KLHL1: variants seen among roughly 807,000 people sequenced by gnomAD.
The protein encoded by KLHL1 is kelch-like protein 1.
A neutral mutation model predicts 77.7 loss-of-function variants in KLHL1; 47 were observed. The ratio of observed to expected loss-of-function variants is 0.60; its 90% CI spans 0.48 to 0.77. The LOEUF is 0.77. Ranked by LOEUF, KLHL1 falls within the 30% of genes least tolerant of loss-of-function variation. The pLI is 0.00. For synonymous variants in KLHL1, 360 were observed against 325.2 expected, an observed-to-expected ratio of 1.11 and a Z score of -1.15; for missense variants, 925 against 910.8, an observed-to-expected ratio of 1.02 and a Z score of -0.20.
chr13:69,941,364 G>T (rs2138303179), intron 3 of KLHL1, among the ~76,000 whole-genome samples: 1 of 152,174 alleles, frequency 6.6e-6, no homozygotes, highest in Admixed American at 6.6e-5. Context: ...GGTCAACAAT[G>T]AAATCAAGGT....
At chr13:69,871,617 C>T (rs1880589575) in intron 5 of KLHL1, among the ~76,000 whole-genome samples, 1 of 152,070 alleles carries the variant, frequency 6.6e-6, no homozygotes, top group Non-Finnish European at 1.5e-5. Flanking sequence ...AGCTATATCA[C>T]TTCTTGAGCA....
chr13:70,007,653 T>C (rs1566493380), intron 1 of KLHL1, among the ~76,000 whole-genome samples: 1 of 152,046 alleles, frequency 6.6e-6, no homozygotes, highest in African/African-American at 2.4e-5. Context: ...AAGGTATCTA[T>C]TTAAGCTTTG....
intron 3 of KLHL1, among the ~76,000 whole-genome samples, chr13:69,946,998 G>A (rs2137248525): frequency 6.6e-6 from 1 of 150,946 alleles, no homozygotes; most frequent in Non-Finnish European, 1.5e-5. Flanking sequence ...TTAAAAACTT[G>A]AGCCTGCCAT....
At chr13:69,843,043 TGG>T (rs1263061450) in intron 5 of KLHL1, among the ~76,000 whole-genome samples, 3 of 151,148 alleles carry the variant, frequency 2.0e-5, no homozygotes, top group African/African-American at 7.3e-5. Context: ...AAAGGGTGAG[TGG>T]GAGATATGGA....
intron 7 of KLHL1, among the ~76,000 whole-genome samples, chr13:69,787,986 G>GCAAT (rs1479610052): frequency 8.5e-5 from 13 of 152,328 alleles, no homozygotes; most frequent in Non-Finnish European, 1.5e-4. Flanking sequence ...AGTTAGAATG[G>GCAAT]CAATCATTAA....
At chr13:69,756,467 T>A (rs1874745449) in intron 7 of KLHL1, among the ~76,000 whole-genome samples, 1 of 152,176 alleles carries the variant, frequency 6.6e-6, no homozygotes, top group African/African-American at 2.4e-5. Context: ...AGAAACTACT[T>A]TTTTGTTATG....
At chr13:69,715,140 G>A (rs1404054388) in intron 9 of KLHL1, among the ~76,000 whole-genome samples, 2 of 152,138 alleles carry the variant, frequency 1.3e-5, no homozygotes, top group Non-Finnish European at 2.9e-5. Flanking sequence ...GCTAACGATT[G>A]CTGCATCTAC....
intron 1 of KLHL1, among the ~76,000 whole-genome samples, chr13:70,024,522 G>A (rs976103775): frequency 6.6e-6 from 1 of 151,648 alleles, no homozygotes; most frequent in African/African-American, 2.4e-5. Flanking sequence ...TCTCCTCAAC[G>A]TAAGTTTTTT....
chr13:69,975,104 A>C (rs7331758), intron 2 of KLHL1, among the ~76,000 whole-genome samples: 92,535 of 151,294 alleles, frequency 0.61, 28,437 homozygotes, highest in South Asian at 0.65. Flanking sequence ...CTTTCAAATG[A>C]ATTATGGCTT....
chr13:70,047,789 T>A (rs980025849), intron 1 of KLHL1, among the ~76,000 whole-genome samples: 1 of 152,328 alleles, frequency 6.6e-6, no homozygotes, highest in Admixed American at 6.5e-5. Context: ...TCTTATTTCT[T>A]GTTCTCTACC....
At chr13:70,008,860 G>T (rs10507778) in intron 1 of KLHL1, among the ~76,000 whole-genome samples, 20,866 of 151,966 alleles carry the variant, frequency 0.14, 2,835 homozygotes, top group African/African-American at 0.36. Flanking sequence ...GATTTAGAAA[G>T]TTGTACACTT....
chr13:69,891,361 T>C (rs191162348), intron 4 of KLHL1, among the ~76,000 whole-genome samples: 1 of 152,196 alleles, frequency 6.6e-6, no homozygotes, highest in East Asian at 1.9e-4. Flanking sequence ...AAACTGTTTC[T>C]AGTATCAGAA....
intron 5 of KLHL1, among the ~76,000 whole-genome samples, chr13:69,851,389 T>C (rs1593887206): frequency 6.6e-6 from 1 of 151,778 alleles, no homozygotes; most frequent in African/African-American, 2.4e-5. Flanking sequence ...AGGAGCCTGA[T>C]GCAGACTCAA....
intron 6 of KLHL1, among the ~76,000 whole-genome samples, chr13:69,833,856 TACACACAC>T (rs35739445): frequency 6.9e-6 from 1 of 143,964 alleles, no homozygotes; most frequent in African/African-American, 2.7e-5. Context: ...CACACATATA[TACACACAC>T]ACACACACAC....
intron 7 of KLHL1, among the ~76,000 whole-genome samples, chr13:69,781,165 C>A (rs1392144757): frequency 6.6e-6 from 1 of 151,996 alleles, no homozygotes; most frequent in Non-Finnish European, 1.5e-5. Context: ...CTATGTCTCC[C>A]ATAATGTCAA....
chr13:69,878,922 TA>T lies in KLHL1; in HGVS notation c.1227+3360del, dbSNP rs532943000. ...CACACCATGGAATACTATGCAGCCATAAAAAATGATGAGTTCATGTCCTTTG... is the reference window on the plus strand; with the variant it reads ...CACACCATGGAATACTATGCAGCCATAAAAATGATGAGTTCATGTCCTTTG... On this transcript the variant is annotated intron_variant, in intron 5 of 10. Coordinates refer to ENST00000377844, the MANE Select transcript of KLHL1 (RefSeq NM_020866.3). 6.6e-5 allele frequency among the ~76,000 whole-genome samples: 10 copies of T among 152,162 alleles called. No homozygotes were observed. The South Asian group carries it at 2.1e-3, about 32-fold the overall frequency.
chr13:70,035,846 C>T (rs559079245), intron 1 of KLHL1, among the ~76,000 whole-genome samples: 19 of 151,680 alleles, frequency 1.3e-4, no homozygotes, highest in Non-Finnish European at 2.7e-4. Flanking sequence ...ATGGATATGT[C>T]TAGTATTTTA....
intron 6 of KLHL1, among the ~76,000 whole-genome samples, chr13:69,821,557 C>T (rs762891440): frequency 3.9e-5 from 6 of 152,172 alleles, no homozygotes; most frequent in South Asian, 4.1e-4. Flanking sequence ...TCAGCTGATC[C>T]GCCCTCCTTG....
intron 6 of KLHL1, among the ~76,000 whole-genome samples, chr13:69,811,883 T>C (rs907283597): frequency 1.3e-5 from 2 of 152,150 alleles, no homozygotes; most frequent in Non-Finnish European, 2.9e-5. Context: ...TTTGAAGGGT[T>C]TTTTGTGTCT....
Sources: gnomAD v4.1 joint callset for allele counts (sites outside exome capture counted in the v4.1 genomes callset) on GRCh38, gnomAD v4.1.1 for gene constraint, MANE v1.5 for transcripts, NCBI Gene and HGNC (gene_info 2026-07-23, HGNC 2026-07-21) for gene names.